The following CELF2 variants were observed in gnomAD, a reference collection of about 807,000 sequenced individuals.
CELF2 encodes the protein CUGBP Elav-like family member 2, also known as CUG triplet repeat RNA-binding protein 2.
In CELF2, 8 loss-of-function variants were observed where a neutral mutation model predicts 62.6. The ratio of observed to expected loss-of-function variants is 0.13; its 90% CI spans 0.07 to 0.23. The LOEUF (loss-of-function observed/expected upper bound fraction) is 0.23, where lower values mean the gene tolerates loss of function less well. Ranked by LOEUF, CELF2 falls within the 10% of genes least tolerant of loss-of-function variation. The pLI, the probability that CELF2 is intolerant of heterozygous loss-of-function variation, is 1.00. For synonymous variants in CELF2, 258 were observed against 250.0 expected (o/e 1.03, Z -0.30); for missense variants, 333 against 671.0 (o/e 0.50, Z 5.56).
Position 10,998,624 on chromosome 10 carries a change from G to A in CELF2, c.89+78625G>A, listed in dbSNP as rs1038227162. Among the ~76,000 whole-genome samples, 6 of 152,300 alleles carry A rather than the reference G, an allele frequency of 3.9e-5. No individual in the cohort carries two copies. The South Asian group carries it at 1.0e-3, about 26-fold the overall frequency. On this transcript the variant is annotated intron_variant, in intron 2 of 13. Transcript: ENST00000636488. ...AGTAACTTGCTGTTGATCTCTGGGGGATCTCAGTGAGGTGGGAGGTCAGCA... is the reference window on the plus strand; with the variant it reads ...AGTAACTTGCTGTTGATCTCTGGGGAATCTCAGTGAGGTGGGAGGTCAGCA...
chr10:10,981,753 T>C (rs2052136474), intron 2 of CELF2, among the ~76,000 whole-genome samples: 1 of 152,210 alleles, frequency 6.6e-6, no homozygotes, highest in Non-Finnish European at 1.5e-5. Flanking sequence ...CCCGGCATTG[T>C]GCCAAGGCCT....
chr10:11,009,537 G>C (rs1459388251), intron 1 of CELF2, among the ~76,000 whole-genome samples: 1 of 152,178 alleles, frequency 6.6e-6, no homozygotes, highest in African/African-American at 2.4e-5. Context: ...GTGTGTGACT[G>C]ATCCGGCACA....
At chr10:11,055,045 G>A (rs2064915082) in intron 1 of CELF2, among the ~76,000 whole-genome samples, 1 of 152,202 alleles carries the variant, frequency 6.6e-6, no homozygotes, top group African/African-American at 2.4e-5. Flanking sequence ...AAAGTTTTGA[G>A]CTGTTGTAGA....
rs2096008844 is a variant in CELF2 at position 11,331,270 on chromosome 10, G to T, written c.*2217G>T. ...TGTTGATAAGACAAGTTTAGAATTGGTTTACTTAATACAAAAAAAAAAAAA... is the reference window on the plus strand; with the variant it reads ...TGTTGATAAGACAAGTTTAGAATTGTTTTACTTAATACAAAAAAAAAAAAA... On this transcript the variant is annotated 3_prime_UTR_variant, in exon 13 of 13. Coordinates refer to ENST00000633077, the MANE Select transcript of CELF2 (RefSeq NM_001326342.2). 1 of 138,580 alleles carries T rather than the reference G, an allele frequency of 7.2e-6. No homozygotes were observed. Among genetic ancestry groups the T allele is most frequent in the African/African-American group, 2.7e-5 (1 of 36,824 alleles). The allele number at this position is 138,580 out of a possible 1,614,324, so 8.6% of individuals were successfully genotyped here.
At chr10:10,644,938 G>A in the CELF2 span, among the ~76,000 whole-genome samples, 7 of 152,094 alleles carry the variant, frequency 4.6e-5, no homozygotes, top group African/African-American at 1.7e-4. Flanking sequence ...GGATGAAGTG[G>A]GACAACTGTA....
chr10:10,666,880 GA>G, the CELF2 span, among the ~76,000 whole-genome samples: 58 of 66,580 alleles, frequency 8.7e-4, 8 homozygotes, highest in East Asian at 5.9e-3. Flanking sequence ...AAAAAAAAAA[GA>G]AAAAAAAAAA....
At chr10:10,820,495 A>T (rs144084197) in intron 1 of CELF2, among the ~76,000 whole-genome samples, 71 of 152,300 alleles carry the variant, frequency 4.7e-4, no homozygotes, top group African/African-American at 1.7e-3. Flanking sequence ...CAGGAGGAGA[A>T]TTCATTGGTG....
chr10:10,873,473 A>T (rs2060889369), intron 1 of CELF2, among the ~76,000 whole-genome samples: 1 of 152,208 alleles, frequency 6.6e-6, no homozygotes, highest in Non-Finnish European at 1.5e-5. Context: ...CTTTTATCCC[A>T]AAGAGCCTTC....
intron 2 of CELF2, among the ~76,000 whole-genome samples, chr10:10,988,146 T>C (rs969033263): frequency 6.6e-6 from 1 of 152,070 alleles, no homozygotes; most frequent in African/African-American, 2.4e-5. Context: ...CACATGCTTG[T>C]TTACAGCAGC....
the CELF2 span, among the ~76,000 whole-genome samples, chr10:10,557,727 T>C: frequency 6.7e-6 from 1 of 148,228 alleles, no homozygotes; most frequent in African/African-American, 2.5e-5. Context: ...TGGTTTGTAG[T>C]TCTCCTTGAA....
chr10:10,796,337 C>T (rs901623477), upstream of CELF2, among the ~76,000 whole-genome samples: 9 of 152,204 alleles, frequency 5.9e-5, no homozygotes, highest in East Asian at 3.8e-4. Flanking sequence ...CCTAGTAATA[C>T]ACTTCAGCTA....
At chr10:10,766,224 C>A in the CELF2 span, among the ~76,000 whole-genome samples, 1 of 152,202 alleles carries the variant, frequency 6.6e-6, no homozygotes, top group Non-Finnish European at 1.5e-5. Context: ...TTCCCAGATT[C>A]GTACATCCTG....
At chr10:11,299,669 G>T (rs12570164) in intron 9 of CELF2, among the ~76,000 whole-genome samples, 3 of 152,162 alleles carry the variant, frequency 2.0e-5, no homozygotes, top group South Asian at 2.1e-4. Flanking sequence ...TCAGTGGTTT[G>T]CCCGGGATGT....
chr10:10,586,530 C>T, the CELF2 span, among the ~76,000 whole-genome samples: 1 of 152,138 alleles, frequency 6.6e-6, no homozygotes, highest in Non-Finnish European at 1.5e-5. Context: ...AAAAGTGTGT[C>T]ATTTTCCCCT....
At chr10:11,236,639 C>A (rs1186234468) in intron 3 of CELF2, among the ~76,000 whole-genome samples, 2 of 152,132 alleles carry the variant, frequency 1.3e-5, no homozygotes, top group East Asian at 3.8e-4. Context: ...TGGTTTCATT[C>A]GTATGCAATA....
intron 2 of CELF2, among the ~76,000 whole-genome samples, chr10:10,942,359 CTT>C (rs1201215706): frequency 6.6e-6 from 1 of 152,196 alleles, no homozygotes; most frequent in African/African-American, 2.4e-5. Flanking sequence ...GCTATGAAAA[CTT>C]GACTGTGGAT....
At chr10:10,754,059 TG>T in the CELF2 span, among the ~76,000 whole-genome samples, 16 of 95,130 alleles carry the variant, frequency 1.7e-4, no homozygotes, top group African/African-American at 5.5e-4. Context: ...CATGCTGAGG[TG>T]GTTTTTTTTT....
chr10:11,158,605 A>G (rs1035943046), intron 1 of CELF2, among the ~76,000 whole-genome samples: 9 of 152,116 alleles, frequency 5.9e-5, no homozygotes, highest in Admixed American at 4.6e-4. Context: ...GGTACCCCCT[A>G]GATGTCTCCA....
chr10:10,699,856 A>G, the CELF2 span, among the ~76,000 whole-genome samples: 1,415 of 152,308 alleles, frequency 9.3e-3, 8 homozygotes, highest in East Asian at 0.019. Flanking sequence ...CTGGTGGCCT[A>G]TTGTGAAGAA....
Sources: gnomAD v4.1 joint callset for allele counts (sites outside exome capture counted in the v4.1 genomes callset) on GRCh38, gnomAD v4.1.1 for gene constraint, MANE v1.5 for transcripts, NCBI Gene and HGNC (gene_info 2026-07-23, HGNC 2026-07-21) for gene names.